Variants in POU2AF2 observed in about 807,000 individuals in gnomAD.
POU2AF2 encodes the protein POU class 2 homeobox associating factor 2.
the POU2AF2 span, chr11:111,284,510 C>A: frequency 8.9e-7 from 1 of 1,128,610 alleles, no homozygotes; most frequent in Non-Finnish European, 1.2e-6. Context: ...TGCTTTGCAG[C>A]TGCCTAGAGA....
At chr11:111,276,453 AATATATATATAT>A in the POU2AF2 span, among the ~76,000 whole-genome samples, 24 of 37,676 alleles carry the variant, frequency 6.4e-4, no homozygotes, top group East Asian at 2.4e-3. Flanking sequence ...AAAAAAAAAA[AATATATATATAT>A]ATATATATAT....
chr11:111,286,030 A>G, the POU2AF2 span: 3 of 1,613,394 alleles, frequency 1.9e-6, no homozygotes, highest in Admixed American at 1.7e-5. Flanking sequence ...CCTGGGGGTC[A>G]TATGAATGCC....
At chr11:111,270,106 C>G in the POU2AF2 span, among the ~76,000 whole-genome samples, 413 of 152,300 alleles carry the variant, frequency 2.7e-3, 3 homozygotes, top group African/African-American at 8.9e-3. Context: ...CTGAAGTCTT[C>G]CCTGTCCCCA....
At chr11:111,261,917 T>C in the POU2AF2 span, among the ~76,000 whole-genome samples, 1 of 152,214 alleles carries the variant, frequency 6.6e-6, no homozygotes, top group African/African-American at 2.4e-5. Context: ...AAGTGAGAAA[T>C]GTATTTAGAT....
At chr11:111,284,375 T>G in the POU2AF2 span, 2 of 1,599,534 alleles carry the variant, frequency 1.3e-6, no homozygotes, top group South Asian at 1.1e-5. Context: ...TCACTTCCTA[T>G]TTGTGAGTAT....
the POU2AF2 span, among the ~76,000 whole-genome samples, chr11:111,265,074 G>C: frequency 2.0e-5 from 3 of 152,014 alleles, no homozygotes; most frequent in African/African-American, 7.2e-5. Flanking sequence ...CAGTGAGCAG[G>C]AGTAGAATCC....
At chr11:111,251,138 A>C in the POU2AF2 span, among the ~76,000 whole-genome samples, 16 of 152,206 alleles carry the variant, frequency 1.1e-4, no homozygotes, top group African/African-American at 3.6e-4. Flanking sequence ...AGGCTGCCAC[A>C]GTAATCTACA....
chr11:111,280,057 A>AAAAAAAT, the POU2AF2 span, among the ~76,000 whole-genome samples: 6 of 76,496 alleles, frequency 7.8e-5, no homozygotes, highest in Non-Finnish European at 1.3e-4. Context: ...AAAAAAAAAA[A>AAAAAAAT]ATATATATAT....
At chr11:111,250,131 C>G in the POU2AF2 span, among the ~76,000 whole-genome samples, 6 of 152,272 alleles carry the variant, frequency 3.9e-5, no homozygotes, top group Middle Eastern at 3.4e-3. Flanking sequence ...CCGACTCTTT[C>G]CCCGACCTTC....
chr11:111,252,842 T>C, the POU2AF2 span, among the ~76,000 whole-genome samples: 1 of 152,226 alleles, frequency 6.6e-6, no homozygotes. Flanking sequence ...AATCTCTTGT[T>C]TCCCTTTCTC....
the POU2AF2 span, chr11:111,285,567 C>T: frequency 3.2e-3 from 4,569 of 1,447,912 alleles, 13 homozygotes; most frequent in Non-Finnish European, 3.9e-3. Context: ...ACGAAGGCTG[C>T]CCTGAAGCCA....
At chr11:111,247,692 C>A in the POU2AF2 span, among the ~76,000 whole-genome samples, 1 of 151,224 alleles carries the variant, frequency 6.6e-6, no homozygotes, top group African/African-American at 2.4e-5. Flanking sequence ...GAGGCTGAGG[C>A]AGGAGAATCA....
At chr11:111,252,126 C>T in the POU2AF2 span, among the ~76,000 whole-genome samples, 2 of 152,198 alleles carry the variant, frequency 1.3e-5, no homozygotes. Context: ...CCAGCCTGGA[C>T]CTCCTCAATT....
the POU2AF2 span, among the ~76,000 whole-genome samples, chr11:111,277,508 A>G: frequency 6.6e-6 from 1 of 152,264 alleles, no homozygotes; most frequent in Non-Finnish European, 1.5e-5. Flanking sequence ...GGGCTGTGTC[A>G]GCCACAATGA....
At chr11:111,249,191 C>T in the POU2AF2 span, among the ~76,000 whole-genome samples, 5 of 152,128 alleles carry the variant, frequency 3.3e-5, no homozygotes, top group African/African-American at 1.2e-4. Flanking sequence ...TGAATAAAAA[C>T]TCTTAAGCTC....
chr11:111,250,260 G>C, the POU2AF2 span, among the ~76,000 whole-genome samples: 2 of 152,038 alleles, frequency 1.3e-5, no homozygotes, highest in African/African-American at 2.4e-5. Context: ...TTTCTGGCTA[G>C]CCTCTGTTTT....
the POU2AF2 span, among the ~76,000 whole-genome samples, chr11:111,257,472 G>A: frequency 9.6e-3 from 1,454 of 151,628 alleles, 15 homozygotes; most frequent in African/African-American, 0.033. Context: ...CGATTCAAGC[G>A]ATTCTCCTGT....
chr11:111,285,505 G>A, the POU2AF2 span: 5 of 711,596 alleles, frequency 7.0e-6, no homozygotes, highest in East Asian at 6.3e-5. Flanking sequence ...GGTGTCAAAA[G>A]CCGGAGAGAA....
At chr11:111,264,570 A>AG in the POU2AF2 span, among the ~76,000 whole-genome samples, 7 of 32,276 alleles carry the variant, frequency 2.2e-4, no homozygotes, top group African/African-American at 8.6e-4. Flanking sequence ...GAAAGAAAGA[A>AG]AGAAAGGGAG....
Sources: allele counts gnomAD v4.1 joint callset (sites outside exome capture counted in the v4.1 genomes callset), GRCh38; gene constraint gnomAD v4.1.1; transcripts MANE v1.5; gene names NCBI Gene and HGNC (gene_info 2026-07-23, HGNC 2026-07-21).